The following SYNE2 variants were observed in gnomAD, a reference collection of about 807,000 sequenced individuals.
SYNE2 encodes the protein spectrin repeat containing nuclear envelope protein 2, also known as nesprin-2.
In SYNE2, 431 loss-of-function variants were observed where a neutral mutation model predicts 856.3. That is an observed-to-expected ratio of 0.50 (90% CI 0.47 to 0.55). The LOEUF (loss-of-function observed/expected upper bound fraction) is 0.55, where lower values mean the gene tolerates loss of function less well. SYNE2 is among the 20% of genes least tolerant of loss of function. The pLI, the probability that SYNE2 is intolerant of heterozygous loss-of-function variation, is 0.00. For synonymous variants in SYNE2, 2,923 were observed against 2,872.3 expected (o/e 1.02, Z -0.56); for missense variants, 8,129 against 8,023.2 (o/e 1.01, Z -0.50).
At chr14:63,815,947 TC>T (rs539485621) in intron 1 of SYNE2, among the ~76,000 whole-genome samples, 2 of 149,526 alleles carry the variant, frequency 1.3e-5, no homozygotes, top group African/African-American at 4.9e-5. Context: ...ATTAAATTAT[TC>T]TTTTTTTTTT....
At position 64,089,642 on chromosome 14, in the gene SYNE2, A is replaced by G. The variant is rs771456799; in HGVS notation, c.11739A>G (p.Leu3913=). ...EKRVSKIKTI[L]LSKEIFDFSP... is the part of the protein sequence containing the mutation. ...GAGTTTCAAAAATCAAAACTATCCTATTATCAAAAGAAATATTTGATTTTT... is the reference window on the plus strand; with the variant it reads ...GAGTTTCAAAAATCAAAACTATCCTGTTATCAAAAGAAATATTTGATTTTT... Residue 3913 remains leucine (L), a synonymous_variant, in exon 59 of 116, where the codon CTA becomes CTG. Coordinates refer to ENST00000555002, the MANE Select transcript of SYNE2 (RefSeq NM_182914.3). The G allele has an allele frequency of 2.5e-6, 4 of 1,603,194 alleles. No individual in the cohort carries two copies. The highest frequency in any genetic ancestry group is 2.2e-5 in the East Asian group (1 of 44,660).
chr14:63,971,853 A>T (rs528691782), intron 11 of SYNE2, among the ~76,000 whole-genome samples: 1 of 152,152 alleles, frequency 6.6e-6, no homozygotes, highest in African/African-American at 2.4e-5. Context: ...GGAATAATTT[A>T]TGTAACATCT....
chr14:64,217,579 A>G (rs151006691), intron 108 of SYNE2, among the ~76,000 whole-genome samples: 82 of 152,316 alleles, frequency 5.4e-4, no homozygotes, highest in Non-Finnish European at 1.0e-3. Flanking sequence ...GAATAATAAG[A>G]CAGGGGAAAG....
Position 64,022,746 on chromosome 14 carries a change from T to C in SYNE2, c.5525-5T>C, listed in dbSNP as rs368511555. ...ATGAATAGAGCTTTTTTTTTCCCCCTGCAGATCAATGCAAGAACTTTAATG... is the reference window on the plus strand; with the variant it reads ...ATGAATAGAGCTTTTTTTTTCCCCCCGCAGATCAATGCAAGAACTTTAATG... On this transcript the variant is annotated splice_polypyrimidine_tract_variant and splice_region_variant and intron_variant, in intron 37 of 115. Coordinates refer to ENST00000555002, the MANE Select transcript of SYNE2 (RefSeq NM_182914.3). 7.4e-6 allele frequency: 11 copies of C among 1,483,830 alleles called. No individual in the cohort carries two copies. The highest frequency in any genetic ancestry group is 1.0e-5 in the Non-Finnish European group (11 of 1,063,914). 91.9% of individuals were successfully genotyped at this position (1,483,830 alleles called of 1,614,324 possible). A position where few individuals can be genotyped will look rare whatever the true frequency, so the allele number is the denominator to read the frequency against.
intron 1 of SYNE2, among the ~76,000 whole-genome samples, chr14:63,820,006 A>C (rs1349314105): frequency 6.6e-6 from 1 of 151,236 alleles, no homozygotes; most frequent in African/African-American, 2.4e-5. Flanking sequence ...TGATAGAAGG[A>C]ATTAAAAGTC....
chr14:63,818,232 A>C (rs1479987862), intron 1 of SYNE2, among the ~76,000 whole-genome samples: 1 of 149,836 alleles, frequency 6.7e-6, no homozygotes, highest in Non-Finnish European at 1.5e-5. Context: ...CTACTCGGGA[A>C]TCTGAGGCAG....
At chr14:63,793,679 A>G (rs1887816432) in intron 1 of SYNE2, among the ~76,000 whole-genome samples, 2 of 152,160 alleles carry the variant, frequency 1.3e-5, no homozygotes. Context: ...GCTCATGCCT[A>G]TAATCCCAGG....
At chr14:63,806,666 A>G (rs1888371507) in intron 1 of SYNE2, among the ~76,000 whole-genome samples, 1 of 152,008 alleles carries the variant, frequency 6.6e-6, no homozygotes, top group African/African-American at 2.4e-5. Context: ...TTGTGTGCAA[A>G]GTTGTTCATA....
At chr14:64,216,094 TCA>T in intron 107 of SYNE2, 152 bp from the exon 108 acceptor site, 1 of 1,527,958 alleles carries the variant, frequency 6.5e-7, no homozygotes, top group East Asian at 2.4e-5. Context: ...ATGACTCATC[TCA>T]TTCTCTTCTG....
At chr14:64,152,467 A>T (rs2098251955) in intron 84 of SYNE2, 97 bp from the exon 85 acceptor site, 2 of 1,190,544 alleles carry the variant, frequency 1.7e-6, no homozygotes, top group Non-Finnish European at 2.4e-6. Flanking sequence ...TAATCTAATG[A>T]CATTTTTACT....
In SYNE2 at chr14:63,794,771, G is replaced by A. The variant is rs144334996; in HGVS notation, c.-305+32785G>A. Among the ~76,000 whole-genome samples, 161 of 152,270 alleles carry A rather than the reference G, an allele frequency of 1.1e-3. 1 individual carries two copies. Among genetic ancestry groups the A allele is most frequent in the African/African-American group, 3.7e-3 (152 of 41,554 alleles). On this transcript the variant is annotated intron_variant, in intron 1 of 23. Transcript: ENST00000674003. ...AGAGACAGCACATACCAGTATAAGT[G>A]AGCATATAAAGAAAGGGAACCCATA...
chr14:64,077,734 A>G (rs1452685130), intron 54 of SYNE2, among the ~76,000 whole-genome samples: 1 of 152,196 alleles, frequency 6.6e-6, no homozygotes, highest in Non-Finnish European at 1.5e-5. Flanking sequence ...ATCAAATAGC[A>G]AAACAAGAAC....
At position 64,027,742 on chromosome 14, in the gene SYNE2, G is replaced by A. The variant is rs1445261236; in HGVS notation, c.6663G>A (p.Glu2221=). The A allele has an allele frequency of 6.2e-7, 1 of 1,613,612 alleles. No homozygotes were observed. Among genetic ancestry groups the A allele is most frequent in the Non-Finnish European group, 8.5e-7 (1 of 1,179,894 alleles). ...ECTKNPSFSE[E]PWLEIKHLHE... ...CTAAAAATCCCAGCTTCAGTGAAGA[G>A]CCTTGGCTGGAAATAAAGCATCTAC... Residue 2221 remains glutamate, a synonymous_variant, in exon 43 of 116, where the codon GAG becomes GAA. Transcript: ENST00000555002.
At chr14:64,145,798 AT>A (rs750647256) in intron 83 of SYNE2, among the ~76,000 whole-genome samples, 1 of 152,174 alleles carries the variant, frequency 6.6e-6, no homozygotes, top group Admixed American at 6.5e-5. Context: ...TGTTGGGAAC[AT>A]TTTATTTTGT....
chr14:63,985,744 G>A (rs2096620630), intron 18 of SYNE2, among the ~76,000 whole-genome samples: 1 of 152,210 alleles, frequency 6.6e-6, no homozygotes, highest in Non-Finnish European at 1.5e-5. Context: ...GCCAGGCATA[G>A]TGTCTCATAC....
At chr14:63,761,797 T>C (rs1886491727), upstream of SYNE2, among the ~76,000 whole-genome samples, 1 of 152,178 alleles carries the variant, frequency 6.6e-6, no homozygotes, top group Non-Finnish European at 1.5e-5. Flanking sequence ...GGATAGCACG[T>C]CATGAATTCC....
rs370253440 is a variant in SYNE2 at position 64,027,503 on chromosome 14, C to T, written c.6424C>T (p.Leu2142=). The change falls in exon 43 of 116, where the codon CTA becomes TTA. Residue 2142 remains leucine (L), a synonymous_variant. Coordinates refer to ENST00000555002, the MANE Select transcript of SYNE2 (RefSeq NM_182914.3). ...TYLSHQEKLL[L]EGEKYLQSKE... ...ATTTAGCCATCAAGAAAAGCTTCTACTAGAAGGAGAGAAATATTTACAAAG... is the reference window on the plus strand; with the variant it reads ...ATTTAGCCATCAAGAAAAGCTTCTATTAGAAGGAGAGAAATATTTACAAAG... 13 of 1,596,668 alleles carry T rather than the reference C, an allele frequency of 8.1e-6. No homozygotes were observed. The African/African-American group carries it at 1.6e-4, about 20-fold the overall frequency.
chr14:63,982,877 T>C (rs1405988439), intron 17 of SYNE2, 83 bp downstream of exon 17: 12 of 1,422,776 alleles, frequency 8.4e-6, no homozygotes, highest in Non-Finnish European at 1.1e-5. Flanking sequence ...TCATAACCAA[T>C]TGATTTCTGG....
intron 1 of SYNE2, among the ~76,000 whole-genome samples, chr14:63,819,262 G>A (rs1889123398): frequency 1.3e-5 from 2 of 151,072 alleles, no homozygotes; most frequent in South Asian, 2.1e-4. Flanking sequence ...ACAGAGTTTT[G>A]CTCTTGTTGG....
Sources: gnomAD v4.1 joint callset for allele counts (sites outside exome capture counted in the v4.1 genomes callset) on GRCh38, gnomAD v4.1.1 for gene constraint, MANE v1.5 for transcripts, NCBI Gene and HGNC (gene_info 2026-07-23, HGNC 2026-07-21) for gene names.